The following ARVCF variants were observed in gnomAD, a reference collection of about 807,000 sequenced individuals.
The protein encoded by ARVCF is splicing regulator ARVCF.
A neutral mutation model predicts 90.9 loss-of-function variants in ARVCF; 66 were observed. The observed-to-expected ratio is 0.73, with a 90% CI of 0.60 to 0.89. The LOEUF (loss-of-function observed/expected upper bound fraction) is 0.89, where lower values mean the gene tolerates loss of function less well. ARVCF is among the 40% of genes least tolerant of loss of function. ARVCF has a pLI of 0.00. For synonymous variants in ARVCF, 653 were observed against 603.4 expected (o/e 1.08, Z -1.21); for missense variants, 1,469 against 1,382.3 (o/e 1.06, Z -1.00).
chr22:19,971,785 C>A, intron 18 of ARVCF, 101 bp downstream of exon 18: 1 of 1,305,068 alleles, frequency 7.7e-7, no homozygotes. Flanking sequence ...CAGCTGTACC[C>A]CAGGGCCCAG....
chr22:19,982,943 C>G (rs144735081), intron 3 of ARVCF, among the ~76,000 whole-genome samples: 277 of 152,372 alleles, frequency 1.8e-3, no homozygotes, highest in African/African-American at 6.5e-3. Flanking sequence ...TGAGACTTTT[C>G]TATCCACATG....
chr22:19,990,479 C>A (rs1445792147), intron 3 of ARVCF, 106 bp downstream of exon 3: 2 of 1,370,436 alleles, frequency 1.5e-6, no homozygotes, highest in African/African-American at 1.4e-5. Context: ...GGAGCCCCAG[C>A]AAATCTTGCA....
At position 19,981,460 on chromosome 22, in the gene ARVCF, C is replaced by A; in HGVS notation, c.647G>T (p.Gly216Val). Residue 216 changes from glycine (G) to valine (V), a missense_variant, in exon 5 of 20, where the codon GGC (glycine) becomes GTC (valine). Gly to Val is a moderately radical substitution (Grantham distance 109). Coordinates refer to ENST00000263207, the MANE Select transcript of ARVCF (RefSeq NM_001670.3). Reference protein sequence around the residue: ...RGLGMRPPRAGPLGPGPGDGC... With the variant: ...RGLGMRPPRAVPLGPGPGDGC... ...ATCACCAGGGCCTGGGCCAAGGGGG[C>A]CAGCACGTGGGGGCCGCATGCCCAG... The A allele has an allele frequency of 6.5e-7, 1 of 1,546,324 alleles. No individual in the cohort carries two copies. Among genetic ancestry groups the A allele is most frequent in the Non-Finnish European group, 8.7e-7 (1 of 1,147,698 alleles).
chr22:19,967,497 G>A (rs9332375), downstream of ARVCF: 36 of 424,396 alleles, frequency 8.5e-5, no homozygotes, highest in African/African-American at 3.9e-4. Flanking sequence ...CCTTGCAGCC[G>A]TGTGGTGTCC....
In ARVCF at chr22:19,978,953, G is replaced by C; in HGVS notation, c.1524C>G (p.Ser508=). 1.2e-6 allele frequency: 2 copies of C among 1,613,290 alleles called. No individual in the cohort carries two copies. Among genetic ancestry groups the C allele is most frequent in the Non-Finnish European group, 1.7e-6 (2 of 1,179,914 alleles). ...TTGTCCACTCGGCGTCCCGTGGCTT[G>C]GAGTCCTCGTTGGGCTCACGCTCCC... ...SGWEREPNED[S]KPRDAEWTTV... The change falls in exon 7 of 20, where the codon TCC becomes TCG. Residue 508 remains serine, a synonymous_variant. Transcript: ENST00000263207.
chr22:19,981,312 C>A lies in ARVCF; in HGVS notation c.795G>T (p.Thr265=). The change falls in exon 5 of 20, where the codon ACG becomes ACT. Residue 265 remains threonine (T), a synonymous_variant. Transcript: ENST00000263207. ...QAEPYGLEDD[T]RSLAADDEGG... Reference sequence around the variant, plus strand: ...CCTCGTCATCAGCGGCCAGGCTGCGCGTGTCATCCTCCAAGCCATACGGCT... The same window carrying A: ...CCTCGTCATCAGCGGCCAGGCTGCGAGTGTCATCCTCCAAGCCATACGGCT... The A allele has an allele frequency of 3.1e-6, 5 of 1,598,922 alleles. No homozygotes were observed. The highest frequency in any genetic ancestry group is 4.3e-6 in the Non-Finnish European group (5 of 1,174,108).
rs191017652 is a variant in ARVCF at position 19,970,303 on chromosome 22, C to T, written c.*453G>A. On this transcript the variant is annotated 3_prime_UTR_variant, in exon 20 of 20. Coordinates refer to ENST00000263207, the MANE Select transcript of ARVCF (RefSeq NM_001670.3). ...CTGCAGGGTGCCCAGGGAGACCCTC[C>T]GCCTTTAGAAGTCCAAGTTCTTTCC... is the stretch of plus-strand genomic sequence containing the variant. 1.0e-5 allele frequency: 10 copies of T among 996,448 alleles called. No homozygotes were observed. The highest frequency in any genetic ancestry group is 5.1e-4 in the Middle Eastern group (1 of 1,946). The allele number at this position is 996,448 out of a possible 1,614,324, so 61.7% of individuals were successfully genotyped here. A position where few individuals can be genotyped will look rare whatever the true frequency, so the allele number is the denominator to read the frequency against.
intron 2 of ARVCF, among the ~76,000 whole-genome samples, chr22:20,008,237 G>A (rs780078267): frequency 6.6e-6 from 1 of 152,182 alleles, no homozygotes; most frequent in African/African-American, 2.4e-5. Flanking sequence ...AGACGAAGCC[G>A]CAACCCCCTG....
chr22:20,012,412 A>G (rs1944869471), intron 1 of ARVCF, among the ~76,000 whole-genome samples: 1 of 152,234 alleles, frequency 6.6e-6, no homozygotes, highest in Non-Finnish European at 1.5e-5. Flanking sequence ...AGCTCTGGGC[A>G]GTGGACGGAC....
chr22:19,990,548 G>T, intron 3 of ARVCF, 37 bp downstream of exon 3: 1 of 1,569,502 alleles, frequency 6.4e-7, no homozygotes, highest in South Asian at 1.1e-5. Flanking sequence ...TTTCCCACTT[G>T]GCAATTTTCA....
chr22:19,993,080 A>G (rs1944089760), intron 2 of ARVCF, among the ~76,000 whole-genome samples: 1 of 152,180 alleles, frequency 6.6e-6, no homozygotes, highest in African/African-American at 2.4e-5. Context: ...CATGCTCAGG[A>G]GAGCAGAGAC....
intron 1 of ARVCF, 114 bp downstream of exon 1, chr22:20,016,475 T>A (rs1945174731): frequency 6.6e-6 from 1 of 152,046 alleles, no homozygotes; most frequent in Admixed American, 6.5e-5. Flanking sequence ...GATAGGACCC[T>A]GTCCGGACCG....
chr22:20,016,287 G>A (rs1244051226), intron 1 of ARVCF, among the ~76,000 whole-genome samples: 1 of 152,118 alleles, frequency 6.6e-6, no homozygotes, highest in African/African-American at 2.4e-5. Flanking sequence ...CGCTCGGCTG[G>A]AGTGCTCAGT....
At position 19,973,650 on chromosome 22, in the gene ARVCF, G is replaced by A; in HGVS notation, c.2232C>T (p.Asp744=). 2 of 1,607,998 alleles carry A rather than the reference G, an allele frequency of 1.2e-6. No individual in the cohort carries two copies. Among genetic ancestry groups the A allele is most frequent in the African/African-American group, 1.3e-5 (1 of 75,036 alleles). The change falls in exon 13 of 20, where the codon GAC becomes GAT. Residue 744 remains aspartate (D), a synonymous_variant. Coordinates refer to ENST00000263207, the MANE Select transcript of ARVCF (RefSeq NM_001670.3). Reference sequence around the variant, plus strand: ...CTTTGCAGGCGTCCTCACCGATGAGGTCTTTGTTGCGCCGGTCCAGCGAGA... The same window carrying A: ...CTTTGCAGGCGTCCTCACCGATGAGATCTTTGTTGCGCCGGTCCAGCGAGA... ...RNLSLDRRNK[D]LIGSYAMAEL...
rs534946823 is a variant in ARVCF at position 19,970,953 on chromosome 22, G to A, written c.*13-210C>T. On this transcript the variant is annotated intron_variant, in intron 19 of 19. Transcript: ENST00000263207. Reference sequence around the variant, plus strand: ...TCCCCGAAGGGCGTTGGAGGGTATGGTGCCCATCCCTACTCTGGTCCCATT... The same window carrying A: ...TCCCCGAAGGGCGTTGGAGGGTATGATGCCCATCCCTACTCTGGTCCCATT... Among the ~76,000 whole-genome samples the A allele has an allele frequency of 9.2e-5, 14 of 152,204 alleles. No individual in the cohort carries two copies. In the South Asian group the frequency reaches 2.7e-3, roughly 29 times the overall value.
At chr22:19,969,631 G>A (rs546597649), downstream of ARVCF, 25 of 162,238 alleles carry the variant, frequency 1.5e-4, no homozygotes, top group Admixed American at 9.1e-4. Context: ...CACCTGCACC[G>A]AGACCAGCCC....
chr22:20,013,628 G>A (rs1944917233), intron 1 of ARVCF, among the ~76,000 whole-genome samples: 1 of 152,224 alleles, frequency 6.6e-6, no homozygotes, highest in Non-Finnish European at 1.5e-5. Context: ...CCGTTGCTCT[G>A]CCAGAGGCGG....
chr22:20,016,173 G>A (rs1319034174), intron 1 of ARVCF, among the ~76,000 whole-genome samples: 1 of 152,202 alleles, frequency 6.6e-6, no homozygotes, highest in African/African-American at 2.4e-5. Flanking sequence ...GAAAGTTCCC[G>A]GCCTGCCGCC....
chr22:19,994,569 T>G (rs1177892997), intron 2 of ARVCF, among the ~76,000 whole-genome samples: 1 of 48,232 alleles, frequency 2.1e-5, no homozygotes. Flanking sequence ...GATGGATGGG[T>G]GGGTGGGGGG....
Sources: allele counts gnomAD v4.1 joint callset (sites outside exome capture counted in the v4.1 genomes callset), GRCh38; gene constraint gnomAD v4.1.1; transcripts MANE v1.5; gene names NCBI Gene and HGNC (gene_info 2026-07-23, HGNC 2026-07-21).